The following TYW1 variants were observed in gnomAD, a reference collection of about 807,000 sequenced individuals.
The protein encoded by TYW1 is tRNA-yW synthesizing protein 1 homolog.
Under a neutral mutation model 96.2 loss-of-function variants are expected in TYW1, and 46 were observed. The ratio of observed to expected loss-of-function variants is 0.48; its 90% CI spans 0.38 to 0.61. TYW1 has a LOEUF of 0.61. Among genes scored for constraint, TYW1 ranks in the 20% least tolerant of loss-of-function variants. The pLI, the probability that TYW1 is intolerant of heterozygous loss-of-function variation, is 0.00. For missense variants in TYW1, 684 were observed against 909.6 expected, an observed-to-expected ratio of 0.75 and a Z score of 3.19; for synonymous variants, 274 against 323.0, an observed-to-expected ratio of 0.85 and a Z score of 1.63.
At chr7:67,089,111 A>G (rs1366446265) in intron 11 of TYW1, 4 of 408,796 alleles carry the variant, frequency 9.8e-6, no homozygotes, top group East Asian at 3.6e-5. Flanking sequence ...TTTTTAACAA[A>G]TAGCCCCAGG....
At chr7:67,136,780 C>T (rs1454624169) in intron 13 of TYW1, among the ~76,000 whole-genome samples, 1 of 151,802 alleles carries the variant, frequency 6.6e-6, no homozygotes, top group Non-Finnish European at 1.5e-5. Flanking sequence ...TGTCCTTTTC[C>T]AGTTGACTTA....
intron 15 of TYW1, among the ~76,000 whole-genome samples, chr7:67,198,950 C>T (rs968154681): frequency 3.3e-5 from 5 of 152,042 alleles, no homozygotes; most frequent in African/African-American, 4.8e-5. Context: ...AATCCTAGAA[C>T]TTTGGGAGAC....
chr7:67,134,978 A>T (rs993316764), intron 13 of TYW1, among the ~76,000 whole-genome samples: 8 of 144,090 alleles, frequency 5.6e-5, no homozygotes, highest in African/African-American at 2.0e-4. Context: ...AAAATCAACC[A>T]GGTGTGCTAA....
chr7:67,132,955 T>C (rs1043930764), intron 13 of TYW1, among the ~76,000 whole-genome samples: 14 of 152,120 alleles, frequency 9.2e-5, no homozygotes, highest in African/African-American at 3.4e-4. Context: ...ACATGTGCAA[T>C]AATTTCTTTC....
intron 7 of TYW1, among the ~76,000 whole-genome samples, chr7:67,045,361 C>G (rs1435757408): frequency 6.6e-6 from 1 of 151,188 alleles, no homozygotes. Flanking sequence ...CAGGCACATG[C>G]CACCACACCT....
intron 15 of TYW1, among the ~76,000 whole-genome samples, chr7:67,201,642 C>T (rs1412809085): frequency 1.3e-5 from 2 of 151,908 alleles, no homozygotes; most frequent in East Asian, 3.9e-4. Context: ...GGAAGAAATT[C>T]CAGCAAAGAT....
chr7:67,184,274 G>A (rs11761936), intron 14 of TYW1, among the ~76,000 whole-genome samples: 42,675 of 151,920 alleles, frequency 0.28, 6,501 homozygotes, highest in African/African-American at 0.4. Context: ...CTGATGCCCT[G>A]TGTTTATATT....
At chr7:67,096,914 C>A (rs1796939100) in intron 11 of TYW1, among the ~76,000 whole-genome samples, 1 of 152,224 alleles carries the variant, frequency 6.6e-6, no homozygotes, top group African/African-American at 2.4e-5. Flanking sequence ...AAGAGCAGTA[C>A]CTGACAAACC....
chr7:67,106,157 A>G (rs1399568502), intron 12 of TYW1, among the ~76,000 whole-genome samples: 4 of 152,226 alleles, frequency 2.6e-5, no homozygotes, highest in Non-Finnish European at 4.4e-5. Flanking sequence ...TTGGCCTCCC[A>G]AAGTGCTGGG....
At chr7:67,134,945 CAAAA>C (rs55746054) in intron 13 of TYW1, among the ~76,000 whole-genome samples, 3 of 66,340 alleles carry the variant, frequency 4.5e-5, no homozygotes, top group African/African-American at 5.7e-5. Flanking sequence ...CTTTCTCTAC[CAAAA>C]AAAAAAAAAA....
At chr7:67,126,693 T>TAG in intron 13 of TYW1, among the ~76,000 whole-genome samples, 1 of 152,114 alleles carries the variant, frequency 6.6e-6, no homozygotes, top group East Asian at 1.9e-4. Context: ...GATTTCTAGT[T>TAG]CCAGCACTAT....
chr7:67,228,979 T>C (rs1479731686), intron 15 of TYW1, among the ~76,000 whole-genome samples: 1 of 152,216 alleles, frequency 6.6e-6, no homozygotes, highest in Non-Finnish European at 1.5e-5. Flanking sequence ...GTTCATGTAA[T>C]GGGAGGAGAA....
chr7:67,123,719 A>G (rs1343362663), intron 13 of TYW1, among the ~76,000 whole-genome samples: 2 of 152,224 alleles, frequency 1.3e-5, no homozygotes, highest in African/African-American at 4.8e-5. Flanking sequence ...GAAGCTTTCA[A>G]CGTGAAGCAC....
At chr7:67,180,419 TATATAA>T (rs1799802918) in intron 13 of TYW1, among the ~76,000 whole-genome samples, 5 of 82,196 alleles carry the variant, frequency 6.1e-5, no homozygotes, top group African/African-American at 2.0e-4. Flanking sequence ...TATATATATA[TATATAA>T]TTTTTTTTTT....
chr7:67,030,149 T>G (rs1038306281), intron 7 of TYW1, among the ~76,000 whole-genome samples: 2 of 152,210 alleles, frequency 1.3e-5, no homozygotes, highest in African/African-American at 4.8e-5. Flanking sequence ...GCAAGATTGG[T>G]TAAATCATTG....
chr7:67,143,318 C>T (rs528519294), intron 13 of TYW1, among the ~76,000 whole-genome samples: 190 of 152,136 alleles, frequency 1.2e-3, no homozygotes, highest in African/African-American at 4.3e-3. Context: ...CTACAAGGAG[C>T]GTGAGGAGAG....
At chr7:67,165,087 T>C (rs186434585) in intron 13 of TYW1, among the ~76,000 whole-genome samples, 1,956 of 151,960 alleles carry the variant, frequency 0.013, 17 homozygotes, top group Non-Finnish European at 0.02. Context: ...TGAACAAATA[T>C]GCCTGTCGTG....
chr7:67,119,221 A>C (rs965094304), intron 13 of TYW1, among the ~76,000 whole-genome samples: 1 of 151,942 alleles, frequency 6.6e-6, no homozygotes, highest in Admixed American at 6.6e-5. Flanking sequence ...CCAGGAGCTT[A>C]AAAAAATGAC....
At chr7:67,040,781 T>C (rs1794992420) in intron 7 of TYW1, among the ~76,000 whole-genome samples, 1 of 151,392 alleles carries the variant, frequency 6.6e-6, no homozygotes, top group Non-Finnish European at 1.5e-5. Context: ...GAGGCGGAGG[T>C]TGTAGTGAGC....
Sources: gnomAD v4.1 joint callset for allele counts (sites outside exome capture counted in the v4.1 genomes callset) on GRCh38, gnomAD v4.1.1 for gene constraint, MANE v1.5 for transcripts, NCBI Gene and HGNC (gene_info 2026-07-23, HGNC 2026-07-21) for gene names.